The following BCAR3 variants were observed in gnomAD, a reference collection of about 807,000 sequenced individuals.
BCAR3 encodes the protein BCAR3 adaptor protein, NSP family member.
A neutral mutation model predicts 80.1 loss-of-function variants in BCAR3; 37 were observed. The observed-to-expected ratio is 0.46, with a 90% CI of 0.36 to 0.61. BCAR3 has a LOEUF of 0.61. BCAR3 is among the 20% of genes least tolerant of loss of function. The probability of loss-of-function intolerance (pLI) is 0.00; values close to 1 mark genes in which losing one functional copy is unlikely to be tolerated. For missense variants in BCAR3, 978 were observed against 1,068.2 expected, an observed-to-expected ratio of 0.92 and a Z score of 1.18; for synonymous variants, 389 against 418.9, an observed-to-expected ratio of 0.93 and a Z score of 0.87.
Position 93,825,041 on chromosome 1 carries a change from A to T in BCAR3, c.-63+20526T>A, listed in dbSNP as rs1296657341. Among the ~76,000 whole-genome samples, 3 of 133,844 alleles carry T rather than the reference A, an allele frequency of 2.2e-5. 1 individual carries two copies. In the Admixed American group the frequency reaches 2.3e-4, roughly 10 times the overall value. 87.8% of individuals were successfully genotyped at this position (133,844 alleles called of 152,430 possible). ...CTCTGGTAACCTATCAAAACTCACG[A>T]GTGCGTACAGAGACCCCCTCAGTGG... is the stretch of plus-strand genomic sequence containing the variant. On this transcript the variant is annotated intron_variant, in intron 2 of 13. Coordinates refer to the BCAR3 transcript ENST00000370244.
At chr1:93,754,733 C>T (rs376784487) in intron 2 of BCAR3, among the ~76,000 whole-genome samples, 25 of 152,042 alleles carry the variant, frequency 1.6e-4, no homozygotes, top group African/African-American at 6.0e-4. Flanking sequence ...ATAGAGAAGC[C>T]TAGCACATAC....
At position 93,740,002 on chromosome 1, in the gene BCAR3, C is replaced by T. The variant is rs1396041806; in HGVS notation, c.-62-33860G>A. On this transcript the variant is annotated intron_variant, in intron 2 of 13. Coordinates refer to the BCAR3 transcript ENST00000370244. ...AGTGAGCCGAGATCATGCCACTGCA[C>T]TCCAGCCTGGGTGACAGAGTGAAAC... Among the ~76,000 whole-genome samples, 39 of 150,904 alleles carry T rather than the reference C, an allele frequency of 2.6e-4. 3 individuals carry two copies. Among genetic ancestry groups the T allele is most frequent in the Admixed American group, 1.3e-3 (19 of 15,156 alleles).
At chr1:93,766,700 T>A (rs1028663868) in intron 2 of BCAR3, among the ~76,000 whole-genome samples, 1 of 152,260 alleles carries the variant, frequency 6.6e-6, no homozygotes, top group African/African-American at 2.4e-5. Flanking sequence ...ATCTTCACCG[T>A]ATCAGCTGTA....
rs1331138522 is a variant in BCAR3, at chr1:93,838,976, TTTAG to T, written c.-63+6587_-63+6590del. Among the ~76,000 whole-genome samples, 15 of 152,358 alleles carry T rather than the reference TTTAG, an allele frequency of 9.8e-5. No homozygotes were observed. In the East Asian group the frequency reaches 2.9e-3, roughly 29 times the overall value. ...TGAGTCTAGTTCCAAATTTCAGTTA[TTTAG>T]TTATAAATAAACAAAGCAATGGCAA... On this transcript the variant is annotated intron_variant, in intron 2 of 13. Transcript: ENST00000370244.
At chr1:93,633,272 C>T (rs1211685046) in intron 3 of BCAR3, among the ~76,000 whole-genome samples, 1 of 152,148 alleles carries the variant, frequency 6.6e-6, no homozygotes, top group Non-Finnish European at 1.5e-5. Flanking sequence ...TAGCTTCTCT[C>T]CCTCACCTGC....
At chr1:93,569,441 G>A (rs778427060) in intron 9 of BCAR3, among the ~76,000 whole-genome samples, 2 of 152,200 alleles carry the variant, frequency 1.3e-5, no homozygotes, top group Non-Finnish European at 2.9e-5. Context: ...TGCCCACCAT[G>A]CTGCCCTTCC....
intron 2 of BCAR3, among the ~76,000 whole-genome samples, chr1:93,762,511 T>C (rs1651984964): frequency 2.0e-5 from 3 of 152,282 alleles, no homozygotes; most frequent in African/African-American, 7.2e-5. Context: ...CAGGAGGACA[T>C]GTGCTGATGG....
rs2101837697 is a variant in BCAR3 at position 93,585,718 on chromosome 1, T to A, written c.930-1597A>T. On this transcript the variant is annotated intron_variant, in intron 5 of 11. Coordinates refer to ENST00000260502, the MANE Select transcript of BCAR3 (RefSeq NM_003567.4). Reference sequence around the variant, plus strand: ...GGATTTCTAAATATCAGGTCTTGCCTCCCTCCTTGCAATTGCCCTGAGTTT... The same window carrying A: ...GGATTTCTAAATATCAGGTCTTGCCACCCTCCTTGCAATTGCCCTGAGTTT... Among the ~76,000 whole-genome samples the A allele has an allele frequency of 1.3e-5, 2 of 152,276 alleles. 1 individual carries two copies. The highest frequency in any genetic ancestry group is 6.8e-3 in the Middle Eastern group (2 of 294).
chr1:93,728,040 C>G (rs1327869973), intron 2 of BCAR3, among the ~76,000 whole-genome samples: 3 of 152,202 alleles, frequency 2.0e-5, no homozygotes, highest in African/African-American at 7.2e-5. Flanking sequence ...CCACCAGAAG[C>G]TGGGAGAGGC....
chr1:93,602,172 G>A (rs1415924910), intron 3 of BCAR3: 1 of 151,908 alleles, frequency 6.6e-6, no homozygotes, highest in Non-Finnish European at 1.5e-5. Context: ...GAGTGCAGTG[G>A]CGCATTCATA....
At chr1:93,763,242 T>C (rs1012220830) in intron 2 of BCAR3, among the ~76,000 whole-genome samples, 7 of 152,132 alleles carry the variant, frequency 4.6e-5, no homozygotes, top group Non-Finnish European at 1.5e-5. Context: ...TTTTAAATGT[T>C]TTTTAGAGTT....
intron 3 of BCAR3, among the ~76,000 whole-genome samples, chr1:93,620,904 CCTT>C (rs1290749381): frequency 1.3e-5 from 2 of 152,222 alleles, no homozygotes; most frequent in Non-Finnish European, 2.9e-5. Flanking sequence ...GCCTAGATCT[CCTT>C]CTCTCAAGTC....
chr1:93,682,296 T>TGATTTG (rs1223576586), upstream of BCAR3, among the ~76,000 whole-genome samples: 1 of 152,102 alleles, frequency 6.6e-6, no homozygotes, highest in East Asian at 1.9e-4. Context: ...CAGCACTAGA[T>TGATTTG]GATTTGGTGG....
intron 2 of BCAR3, among the ~76,000 whole-genome samples, chr1:93,815,863 AG>A (rs529454132): frequency 2.4e-4 from 36 of 152,304 alleles, no homozygotes; most frequent in Non-Finnish European, 4.1e-4. Flanking sequence ...ACTGATTAGG[AG>A]GTTAGAAGAA....
Position 93,823,426 on chromosome 1 carries a change from T to C in BCAR3, c.-63+22141A>G, listed in dbSNP as rs1327933109. 3.0e-5 allele frequency among the ~76,000 whole-genome samples: 4 copies of C among 134,006 alleles called. 1 individual carries two copies. In the Admixed American group the frequency reaches 3.1e-4, roughly 10 times the overall value. The allele number at this position is 134,006 out of a possible 152,430, so 87.9% of individuals were successfully genotyped here. On this transcript the variant is annotated intron_variant, in intron 2 of 13. Transcript: ENST00000370244. ...TGGAAGGAATACAGTTAGGAGGCAG[T>C]GGTCTCTTCTTCTGGAGCTATCTGC...
chr1:93,837,379 C>A (rs1268993576), intron 2 of BCAR3, among the ~76,000 whole-genome samples: 1 of 152,146 alleles, frequency 6.6e-6, no homozygotes, highest in Non-Finnish European at 1.5e-5. Flanking sequence ...GTGTTTCACT[C>A]ACTTAGTTCA....
At chr1:93,562,768 C>CAAAAAAAAA in intron 11 of BCAR3, among the ~76,000 whole-genome samples, 1 of 76,898 alleles carries the variant, frequency 1.3e-5, no homozygotes, top group Non-Finnish European at 2.4e-5. Context: ...GACTCCATCT[C>CAAAAAAAAA]AAAAAAAAAA....
At chr1:93,655,489 G>C (rs1450842280) in intron 2 of BCAR3, among the ~76,000 whole-genome samples, 3 of 152,106 alleles carry the variant, frequency 2.0e-5, no homozygotes, top group Non-Finnish European at 4.4e-5. Flanking sequence ...GAGAGGTAAG[G>C]ACACCCACAG....
At chr1:93,781,057 G>A (rs1020430249) in intron 2 of BCAR3, among the ~76,000 whole-genome samples, 2 of 152,364 alleles carry the variant, frequency 1.3e-5, no homozygotes, top group South Asian at 2.1e-4. Flanking sequence ...GTATAGAGCT[G>A]TGGAGTGGAG....
Sources: gnomAD v4.1 joint callset for allele counts (sites outside exome capture counted in the v4.1 genomes callset) on GRCh38, gnomAD v4.1.1 for gene constraint, MANE v1.5 for transcripts, NCBI Gene and HGNC (gene_info 2026-07-23, HGNC 2026-07-21) for gene names.